The following CEP135 variants were observed in gnomAD, a reference collection of about 807,000 sequenced individuals.
CEP135 encodes the protein centrosomal protein 135.
Under a neutral mutation model 157.3 loss-of-function variants are expected in CEP135, and 142 were observed. The ratio of observed to expected loss-of-function variants is 0.90; its 90% confidence interval spans 0.79 to 1.04. The LOEUF (loss-of-function observed/expected upper bound fraction) is 1.04. Among genes scored for constraint, CEP135 ranks in the 50% least tolerant of loss-of-function variants. The pLI is 0.00. For synonymous variants in CEP135, 396 were observed against 439.8 expected, an observed-to-expected ratio of 0.90 and a Z score of 1.25; for missense variants, 1,317 against 1,309.2, an observed-to-expected ratio of 1.01 and a Z score of -0.09.
chr4:56,023,688 AATAT>A lies in CEP135; in HGVS notation c.3321-805_3321-802del, dbSNP rs71666105. On this transcript the variant is annotated intron_variant, in intron 24 of 25. Coordinates refer to ENST00000257287, the MANE Select transcript of CEP135 (RefSeq NM_025009.5). ...TATACTAATATAATATATATCACAT[AATAT>A]ATATATAATATACTGTATATTATAT... Among the ~76,000 whole-genome samples, 371 of 143,260 alleles carry A rather than the reference AATAT, an allele frequency of 2.6e-3. 5 individuals are homozygous for A. The East Asian group carries it at 0.035, about 13-fold the overall frequency. 94.0% of individuals were successfully genotyped at this position (143,260 alleles called of 152,430 possible).
At chr4:55,974,536 G>A (rs899206619) in intron 10 of CEP135, among the ~76,000 whole-genome samples, 52 of 152,000 alleles carry the variant, frequency 3.4e-4, no homozygotes, top group African/African-American at 1.2e-3. Context: ...GGACCTATTG[G>A]ACTTTATTTA....
In CEP135 at chr4:55,995,392, G is replaced by A. The variant is rs368952241; in HGVS notation, c.2009+3307G>A. 1.6e-3 allele frequency among the ~76,000 whole-genome samples: 241 copies of A among 152,256 alleles called. 2 individuals carry two copies. Among genetic ancestry groups the A allele is most frequent in the African/African-American group, 5.6e-3 (233 of 41,558 alleles). On this transcript the variant is annotated intron_variant, in intron 15 of 25. Coordinates refer to ENST00000257287, the MANE Select transcript of CEP135 (RefSeq NM_025009.5). Reference sequence around the variant, plus strand: ...TTTTAGTCTGTCTCTAGTAATAAGCGAAACAGAGGGTTGAGGAAGAGACTT... The same window carrying A: ...TTTTAGTCTGTCTCTAGTAATAAGCAAAACAGAGGGTTGAGGAAGAGACTT...
Position 56,009,901 on chromosome 4 carries a change from C to T in CEP135, c.2503C>T (p.Gln835Ter), listed in dbSNP as rs1447560388. ...DDLATMAREN[Q>*]EISLELEAAV... ...CCTGGCTACAATGGCAAGAGAAAAT[C>T]AAGTATGAACACAAGGCATAAATTT... Residue 835 changes from glutamine (Q) to a stop codon, truncating the protein, a stop_gained and splice_region_variant, in exon 19 of 26, where the codon CAA (glutamine) becomes TAA (stop). Coordinates refer to ENST00000257287, the MANE Select transcript of CEP135 (RefSeq NM_025009.5). LOFTEE classifies it high-confidence loss of function. 1 of 1,612,140 alleles carries T rather than the reference C, an allele frequency of 6.2e-7. No individual in the cohort carries two copies. The highest frequency in any genetic ancestry group is 8.5e-7 in the Non-Finnish European group (1 of 1,179,576).
intron 15 of CEP135, among the ~76,000 whole-genome samples, chr4:55,996,241 C>T (rs556466216): frequency 2.0e-5 from 3 of 152,188 alleles, no homozygotes; most frequent in African/African-American, 7.2e-5. Flanking sequence ...CCACCTCAGC[C>T]TCCTGAGTAG....
At chr4:55,952,945 C>T in intron 2 of CEP135, 140 bp from the exon 3 acceptor site, 1 of 642,618 alleles carries the variant, frequency 1.6e-6, no homozygotes, top group Non-Finnish European at 2.5e-6. Context: ...GACTACTCTC[C>T]TTCCTATATG....
chr4:56,011,912 A>G lies in CEP135; in HGVS notation c.2729A>G (p.Glu910Gly). 1 of 1,604,562 alleles carries G rather than the reference A, an allele frequency of 6.2e-7. No homozygotes were observed. Among genetic ancestry groups the G allele is most frequent in the Non-Finnish European group, 8.5e-7 (1 of 1,175,414 alleles). ...GGAGAAAGCAGCTCAGTTCGACTGG[A>G]ACTTCTTTCTATTGACACTGAGAGG... is the stretch of plus-strand genomic sequence containing the variant. The part of the protein sequence containing the change: ...AEGESSSVRL[E>G]LLSIDTERRH... Residue 910 changes from glutamate (E) to glycine (G), a missense_variant, in exon 21 of 26, where the codon GAA becomes GGA. By Grantham distance (98) the Glu-to-Gly change is moderately conservative. Transcript: ENST00000257287.
intron 9 of CEP135, among the ~76,000 whole-genome samples, chr4:55,970,104 T>C (rs1681559099): frequency 6.6e-6 from 1 of 151,612 alleles, no homozygotes; most frequent in Non-Finnish European, 1.5e-5. Flanking sequence ...ACTCCTGGAC[T>C]CAAGTGATTC....
intron 10 of CEP135, among the ~76,000 whole-genome samples, 193 bp from the exon 11 acceptor site, chr4:55,974,553 T>C (rs1577877809): frequency 6.6e-6 from 1 of 152,194 alleles, no homozygotes; most frequent in East Asian, 1.9e-4. Context: ...TTTAAACTTT[T>C]AATTTTTGCT....
At chr4:56,017,488 G>A (rs1001464616) in intron 21 of CEP135, among the ~76,000 whole-genome samples, 160 bp from the exon 22 acceptor site, 12 of 152,072 alleles carry the variant, frequency 7.9e-5, no homozygotes, top group African/African-American at 2.9e-4. Context: ...GCATTAAATA[G>A]GTCATCTTTA....
At position 55,962,004 on chromosome 4, in the gene CEP135, T is replaced by G. The variant is rs148779105; in HGVS notation, c.699+2238T>G. Among the ~76,000 whole-genome samples the G allele has an allele frequency of 1.3e-3, 194 of 152,298 alleles. 1 individual carries two copies. Among genetic ancestry groups the G allele is most frequent in the African/African-American group, 4.4e-3 (184 of 41,572 alleles). ...TATTCTTTTTTTCTTTAACAAGTAC[T>G]TATATAACCACTTTACAATGATTAA... On this transcript the variant is annotated intron_variant, in intron 6 of 25. Transcript: ENST00000257287.
chr4:55,952,351 T>G, intron 2 of CEP135, 108 bp downstream of exon 2: 1 of 674,958 alleles, frequency 1.5e-6, no homozygotes. Flanking sequence ...CCGGAAAGGC[T>G]TTCAATCATG....
chr4:55,999,256 A>G (rs551642508), intron 15 of CEP135, 46 bp from the exon 16 acceptor site: 20 of 1,360,940 alleles, frequency 1.5e-5, no homozygotes, highest in Admixed American at 2.1e-5. Flanking sequence ...ACGTATTTCT[A>G]TGAGAGATAA....
intron 20 of CEP135, 96 bp from the exon 21 acceptor site, chr4:56,011,704 G>A: frequency 2.7e-6 from 3 of 1,103,482 alleles, no homozygotes; most frequent in Non-Finnish European, 2.6e-6. Context: ...TCCTAAATTA[G>A]AACAGAATGC....
intron 15 of CEP135, among the ~76,000 whole-genome samples, chr4:55,993,143 A>G (rs1729850756): frequency 1.3e-5 from 2 of 152,240 alleles, no homozygotes; most frequent in Non-Finnish European, 2.9e-5. Context: ...GGCATTGGAT[A>G]TTGGCAGAAA....
At position 56,011,795 on chromosome 4, in the gene CEP135, A is replaced by G. The variant is rs1157081850; in HGVS notation, c.2617-5A>G. ...TTAGAAACAATTTTATTGTGATTAA[A>G]CCAGGAAAAAGAAAATCAAGATTTG... On this transcript the variant is annotated splice_polypyrimidine_tract_variant and splice_region_variant and intron_variant, in intron 20 of 25. Transcript: ENST00000257287. The G allele has an allele frequency of 6.4e-7, 1 of 1,568,480 alleles. No individual in the cohort carries two copies. The highest frequency in any genetic ancestry group is 1.2e-5 in the South Asian group (1 of 83,634).
chr4:55,956,309 C>T (rs1728503000), intron 4 of CEP135, among the ~76,000 whole-genome samples: 1 of 152,166 alleles, frequency 6.6e-6, no homozygotes. Flanking sequence ...CACTTCTAAT[C>T]TTGGCAAAAT....
chr4:56,011,551 A>C, intron 20 of CEP135, 29 bp downstream of exon 20: 1 of 1,481,482 alleles, frequency 6.7e-7, no homozygotes, highest in Non-Finnish European at 9.2e-7. Flanking sequence ...GTTGGATTTA[A>C]GACTGAGGTT....
chr4:56,012,994 C>G (rs1186126420), intron 21 of CEP135, among the ~76,000 whole-genome samples: 1 of 152,142 alleles, frequency 6.6e-6, no homozygotes, highest in Non-Finnish European at 1.5e-5. Flanking sequence ...GGTGCTACAC[C>G]ATTTTACATT....
rs1200042238 is a variant in CEP135 at position 56,017,944 on chromosome 4, A to G, written c.3012+87A>G. On this transcript the variant is annotated intron_variant, in intron 22 of 25. Transcript: ENST00000257287. ...TTAGTATTCACCACACCATGCATAT[A>G]CTTGTTTCCTTTTAGAGTAGTTACT... 4 of 1,127,896 alleles carry G rather than the reference A, an allele frequency of 3.5e-6. No homozygotes were observed. The Admixed American group carries it at 7.9e-5, about 22-fold the overall frequency. The allele number at this position is 1,127,896 out of a possible 1,614,324, so 69.9% of individuals were successfully genotyped here.
Sources: gnomAD v4.1 joint callset for allele counts (sites outside exome capture counted in the v4.1 genomes callset) on GRCh38, gnomAD v4.1.1 for gene constraint, MANE v1.5 for transcripts, NCBI Gene and HGNC (gene_info 2026-07-23, HGNC 2026-07-21) for gene names.